GRIN2A: variants seen among roughly 807,000 people sequenced by gnomAD.
GRIN2A encodes the protein glutamate receptor ionotropic, NMDA 2A.
In GRIN2A, 22 loss-of-function variants were observed where a neutral mutation model predicts 113.4. The ratio of observed to expected loss-of-function variants is 0.19; its 90% CI spans 0.14 to 0.28. The LOEUF is 0.28. GRIN2A is among the 10% of genes least tolerant of loss of function. GRIN2A has a pLI of 1.00. For missense variants in GRIN2A, 1,502 were observed against 1,887.0 expected (o/e 0.80, Z 3.78); for synonymous variants, 827 against 738.4 (o/e 1.12, Z -1.94).
At chr16:9,983,609 T>G (rs1187612022) in intron 2 of GRIN2A, among the ~76,000 whole-genome samples, 2 of 152,094 alleles carry the variant, frequency 1.3e-5, no homozygotes, top group Non-Finnish European at 2.9e-5. Context: ...CCAGCTAATT[T>G]TTTGTATTTT....
At chr16:10,113,400 A>G (rs2048663278) in intron 2 of GRIN2A, among the ~76,000 whole-genome samples, 1 of 152,092 alleles carries the variant, frequency 6.6e-6, no homozygotes, top group Non-Finnish European at 1.5e-5. Flanking sequence ...CTGGCTCCTT[A>G]GGCCATTCCC....
intron 3 of GRIN2A, among the ~76,000 whole-genome samples, chr16:9,904,118 T>C (rs1206076104): frequency 1.3e-5 from 2 of 152,246 alleles, no homozygotes; most frequent in Non-Finnish European, 2.9e-5. Flanking sequence ...AGCTCACTTC[T>C]GTGTCAATGG....
rs182647236 is a variant in GRIN2A at position 9,834,342 on chromosome 16, T to G, written c.1652-112A>C. 85 of 943,410 alleles carry G rather than the reference T, an allele frequency of 9.0e-5. No individual in the cohort carries two copies. The African/African-American group carries it at 1.2e-3, about 13-fold the overall frequency. The allele number at this position is 943,410 out of a possible 1,614,324, so 58.4% of individuals were successfully genotyped here. On this transcript the variant is annotated intron_variant, in intron 7 of 12. Coordinates refer to ENST00000330684, the MANE Select transcript of GRIN2A (RefSeq NM_001134407.3). ...CTCGCCAAAAATATTTTCTCTAATT[T>G]GAATCTGATCCTTCAAAAGAAGCTA...
At chr16:9,931,440 G>A (rs1026777161) in intron 3 of GRIN2A, among the ~76,000 whole-genome samples, 1 of 152,200 alleles carries the variant, frequency 6.6e-6, no homozygotes, top group Admixed American at 6.5e-5. Flanking sequence ...AAGAAGAAGA[G>A]ATGTCTATCT....
intron 2 of GRIN2A, among the ~76,000 whole-genome samples, chr16:10,129,051 C>CT (rs574193107): frequency 3.6e-4 from 53 of 148,894 alleles, no homozygotes; most frequent in South Asian, 6.4e-4. Context: ...ATGTGCATCA[C>CT]TTTTTTTTTT....
intron 4 of GRIN2A, among the ~76,000 whole-genome samples, chr16:9,857,603 T>C (rs1358778363): frequency 2.6e-5 from 4 of 152,202 alleles, no homozygotes; most frequent in Non-Finnish European, 5.9e-5. Context: ...TTGTGAGCTG[T>C]GCCACTTGGG....
At position 9,761,216 on chromosome 16, in the gene GRIN2A, C is replaced by A. The variant is rs142613792; in HGVS notation, c.*1933G>T. The A allele has an allele frequency of 6.5e-5, 15 of 231,596 alleles. No individual in the cohort carries two copies. The East Asian group carries it at 9.1e-4, about 14-fold the overall frequency. 14.3% of individuals were successfully genotyped at this position (231,596 alleles called of 1,614,324 possible). ...TACTTTCCCAAAGATGGAGCTATTCCATGCATCCTTGAGCTTTAAGGGAAT... is the reference window on the plus strand; with the variant it reads ...TACTTTCCCAAAGATGGAGCTATTCAATGCATCCTTGAGCTTTAAGGGAAT... On this transcript the variant is annotated 3_prime_UTR_variant, in exon 13 of 13. Coordinates refer to ENST00000330684, the MANE Select transcript of GRIN2A (RefSeq NM_001134407.3).
chr16:10,083,979 A>G (rs533055094), intron 2 of GRIN2A, among the ~76,000 whole-genome samples: 14 of 152,076 alleles, frequency 9.2e-5, no homozygotes, highest in Non-Finnish European at 1.6e-4. Flanking sequence ...GCACATGCCT[A>G]TAATCCCAGC....
At chr16:10,140,932 G>T (rs1447129979) in intron 2 of GRIN2A, among the ~76,000 whole-genome samples, 1 of 152,168 alleles carries the variant, frequency 6.6e-6, no homozygotes, top group East Asian at 1.9e-4. Flanking sequence ...GGTGGCTCCT[G>T]CCTGTAATCC....
intron 2 of GRIN2A, among the ~76,000 whole-genome samples, chr16:9,945,452 G>T (rs1446673651): frequency 2.6e-5 from 4 of 152,096 alleles, no homozygotes; most frequent in African/African-American, 9.7e-5. Flanking sequence ...AAGAGAGAGT[G>T]GTGAGACATG....
intron 2 of GRIN2A, among the ~76,000 whole-genome samples, chr16:10,123,609 C>T (rs555472000): frequency 1.8e-4 from 28 of 152,042 alleles, no homozygotes; most frequent in Non-Finnish European, 2.8e-4. Flanking sequence ...CGTGAATCGC[C>T]GAGGGATCTT....
intron 2 of GRIN2A, among the ~76,000 whole-genome samples, chr16:10,024,901 A>T (rs2046791708): frequency 6.6e-6 from 1 of 152,248 alleles, no homozygotes; most frequent in African/African-American, 2.4e-5. Context: ...AAATAAAATA[A>T]GCACTAAATT....
chr16:9,873,369 T>C (rs1204049873), intron 4 of GRIN2A, among the ~76,000 whole-genome samples: 1 of 152,122 alleles, frequency 6.6e-6, no homozygotes, highest in African/African-American at 2.4e-5. Context: ...GAAACCCAAA[T>C]CTTGCTGTAT....
intron 3 of GRIN2A, among the ~76,000 whole-genome samples, chr16:9,907,396 A>G (rs946891848): frequency 1.3e-5 from 2 of 152,220 alleles, no homozygotes; most frequent in Admixed American, 1.3e-4. Context: ...ATTCTATCTT[A>G]TATGACATTC....
chr16:10,028,486 T>C (rs1006628149), intron 2 of GRIN2A, among the ~76,000 whole-genome samples: 1 of 152,200 alleles, frequency 6.6e-6, no homozygotes, highest in African/African-American at 2.4e-5. Context: ...GCCAGAGTTT[T>C]GGAGAGATAG....
At chr16:10,138,454 G>A (rs1358574015) in intron 2 of GRIN2A, among the ~76,000 whole-genome samples, 1 of 152,120 alleles carries the variant, frequency 6.6e-6, no homozygotes, top group Non-Finnish European at 1.5e-5. Flanking sequence ...GGATGGGGAT[G>A]GGTAGAAAAG....
chr16:10,031,354 A>C lies in GRIN2A; in HGVS notation c.415-92803T>G, dbSNP rs1487443389. ...GTGTCCCTTCACTTCAAATGTCAGC[A>C]CAAGAGGTTTTTCCTGCCTAAATGG... is the stretch of plus-strand genomic sequence containing the variant. On this transcript the variant is annotated intron_variant, in intron 2 of 12. Transcript: ENST00000330684. The C allele has an allele frequency of 3.3e-5, 5 of 152,270 alleles. No homozygotes were observed. In the East Asian group the frequency reaches 9.7e-4, roughly 29 times the overall value. The allele number at this position is 152,270 out of a possible 1,614,324, so 9.4% of individuals were successfully genotyped here. A position where few individuals can be genotyped will look rare whatever the true frequency, so the allele number is the denominator to read the frequency against.
At chr16:9,922,284 T>A (rs572440170) in intron 3 of GRIN2A, among the ~76,000 whole-genome samples, 1 of 152,034 alleles carries the variant, frequency 6.6e-6, no homozygotes, top group African/African-American at 2.4e-5. Flanking sequence ...TCCAGATTAT[T>A]GTAACCAACA....
intron 4 of GRIN2A, among the ~76,000 whole-genome samples, chr16:9,875,009 G>A (rs918240196): frequency 6.6e-6 from 1 of 151,224 alleles, no homozygotes. Context: ...AATTGCTCAA[G>A]CCCAGGAGGT....
Sources: gnomAD v4.1 joint callset for allele counts (sites outside exome capture counted in the v4.1 genomes callset) on GRCh38, gnomAD v4.1.1 for gene constraint, MANE v1.5 for transcripts, NCBI Gene and HGNC (gene_info 2026-07-23, HGNC 2026-07-21) for gene names.